Variants in MAST4 observed in about 807,000 individuals in gnomAD.
The protein encoded by MAST4 is microtubule-associated serine/threonine-protein kinase 4.
Under a neutral mutation model 162.7 loss-of-function variants are expected in MAST4, and 89 were observed. That is an observed-to-expected ratio of 0.55 (90% CI 0.46 to 0.65). The LOEUF is 0.65. Ranked by LOEUF, MAST4 falls within the 30% of genes least tolerant of loss-of-function variation. The pLI is 0.00. For synonymous variants in MAST4, 1,479 were observed against 1,361.1 expected, an observed-to-expected ratio of 1.09 and a Z score of -1.91; for missense variants, 3,153 against 3,374.0, an observed-to-expected ratio of 0.93 and a Z score of 1.62.
chr5:66,995,706 T>A (rs982007339), intron 4 of MAST4, among the ~76,000 whole-genome samples: 1 of 151,052 alleles, frequency 6.6e-6, no homozygotes, highest in Admixed American at 6.6e-5. Flanking sequence ...CAGACGAAAA[T>A]TTTTTAAATT....
chr5:66,825,261 GACACACACACAC>G (rs56076405), intron 3 of MAST4, among the ~76,000 whole-genome samples: 1,803 of 135,638 alleles, frequency 0.013, 30 homozygotes, highest in Admixed American at 0.029. Context: ...TAAAAACTAA[GACACACACACAC>G]ACACACACAC....
rs1416777739 is a variant in MAST4 at position 67,163,923 on chromosome 5, G to A, written c.4744G>A (p.Glu1582Lys). The A allele has an allele frequency of 6.2e-7, 1 of 1,613,984 alleles. No homozygotes were observed. Reference protein sequence around the residue: ...REKKVYPKAVERSSTFENKAS... With the variant: ...REKKVYPKAVKRSSTFENKAS... Reference sequence around the variant, plus strand: ...GAAGAAAGTCTATCCGAAGGCTGTGGAAAGGTCAAGTACTTTTGAAAACAA... The same window carrying A: ...GAAGAAAGTCTATCCGAAGGCTGTGAAAAGGTCAAGTACTTTTGAAAACAA... The change falls in exon 29 of 29, where the codon GAA becomes AAA. Residue 1582 changes from glutamate (E) to lysine (K), a missense_variant. Glu to Lys is a moderately conservative substitution (Grantham distance 56). Coordinates refer to ENST00000403625, the MANE Select transcript of MAST4 (RefSeq NM_001164664.2). The surrounding 1 kb of genome is among the most constrained non-coding windows in gnomAD (Gnocchi z 7.0).
chr5:66,852,815 T>A (rs1268771183), intron 3 of MAST4, among the ~76,000 whole-genome samples: 1 of 152,244 alleles, frequency 6.6e-6, no homozygotes, highest in African/African-American at 2.4e-5. Context: ...TAATGAAATG[T>A]AAACTATCTT....
chr5:67,058,277 T>A (rs949007575), intron 5 of MAST4, among the ~76,000 whole-genome samples: 26 of 152,238 alleles, frequency 1.7e-4, no homozygotes, highest in African/African-American at 5.8e-4. Flanking sequence ...TAAAATTCAG[T>A]GATAGCAAAG....
chr5:66,651,053 G>A (rs74951397), intron 1 of MAST4, among the ~76,000 whole-genome samples: 61 of 152,254 alleles, frequency 4.0e-4, no homozygotes, highest in African/African-American at 1.3e-3. Flanking sequence ...CATACTTGCC[G>A]TGTCACATAG....
At chr5:66,791,354 C>T (rs866457049) in intron 3 of MAST4, among the ~76,000 whole-genome samples, 53 of 152,306 alleles carry the variant, frequency 3.5e-4, no homozygotes, top group African/African-American at 1.3e-3. Context: ...CTTACTAGTA[C>T]TAACAGTCAC....
Position 67,098,424 on chromosome 5 carries a change from A to C in MAST4, c.913-2011A>C, listed in dbSNP as rs1422433180. 2.0e-5 allele frequency among the ~76,000 whole-genome samples: 3 copies of C among 152,288 alleles called. No individual in the cohort carries two copies. In the East Asian group the frequency reaches 5.8e-4, roughly 29 times the overall value. On this transcript the variant is annotated intron_variant, in intron 7 of 28. Transcript: ENST00000403625. ...TTCTTAATTTTGAAATAAGTACTAC[A>C]GAATTGTATCAGTAGGAAGACATTC...
chr5:67,087,682 T>C (rs565541077), intron 5 of MAST4, among the ~76,000 whole-genome samples: 4 of 152,328 alleles, frequency 2.6e-5, no homozygotes, highest in African/African-American at 9.6e-5. Context: ...TCACTCATTT[T>C]CTCTAATATC....
chr5:67,078,102 AAAAT>A lies in MAST4; in HGVS notation c.764-12045_764-12042del, dbSNP rs1340724457. The stretch of plus-strand genomic sequence containing the variant: ...CAACGAGGGCAAAACTCTTCTCTCA[AAAAT>A]AAATAAATAAATAACTAGAAAAAAA... On this transcript the variant is annotated intron_variant, in intron 5 of 28. Transcript: ENST00000403625. 9.2e-4 allele frequency among the ~76,000 whole-genome samples: 140 copies of A among 152,296 alleles called. 1 individual carries two copies. The highest frequency in any genetic ancestry group is 3.1e-3 in the African/African-American group (130 of 41,564).
At chr5:66,598,719 G>A (rs1254321021) in intron 1 of MAST4, among the ~76,000 whole-genome samples, 7 of 152,168 alleles carry the variant, frequency 4.6e-5, no homozygotes, top group African/African-American at 7.2e-5. Context: ...TAGTATTGCC[G>A]CTGGTGGAGA....
chr5:67,074,554 C>T (rs1761367264), intron 5 of MAST4, among the ~76,000 whole-genome samples: 1 of 152,070 alleles, frequency 6.6e-6, no homozygotes, highest in Non-Finnish European at 1.5e-5. Flanking sequence ...ACATTAAATA[C>T]TAAGAAGATT....
At chr5:66,870,567 A>G (rs923492672) in intron 3 of MAST4, among the ~76,000 whole-genome samples, 4 of 151,894 alleles carry the variant, frequency 2.6e-5, no homozygotes, top group Non-Finnish European at 4.4e-5. Context: ...TGCACATACA[A>G]GTTTGTTTAT....
At chr5:66,823,742 G>C (rs988829216) in intron 3 of MAST4, among the ~76,000 whole-genome samples, 1 of 152,146 alleles carries the variant, frequency 6.6e-6, no homozygotes, top group East Asian at 1.9e-4. Flanking sequence ...TGATCCACCT[G>C]CCTCAGCCTC....
At position 66,745,685 on chromosome 5, in the gene MAST4, G is replaced by A. The variant is rs146958840; in HGVS notation, c.364-14024G>A. ...TTGGACCACAGCTCTGCTCAAAGCTGTAGAATTGCTTGTACCTGACTCTGT... is the reference window on the plus strand; with the variant it reads ...TTGGACCACAGCTCTGCTCAAAGCTATAGAATTGCTTGTACCTGACTCTGT... On this transcript the variant is annotated intron_variant, in intron 1 of 28. Coordinates refer to ENST00000403625, the MANE Select transcript of MAST4 (RefSeq NM_001164664.2). 4.4e-3 allele frequency among the ~76,000 whole-genome samples: 667 copies of A among 152,270 alleles called. 4 individuals carry two copies. In the Middle Eastern group the frequency reaches 0.068, roughly 16 times the overall value.
rs182739182 is a variant in MAST4 at position 66,667,126 on chromosome 5, C to A, written c.363+70108C>A. ...TGGTCAAAGGGAAGTTTGACCATAC[C>A]TGTGTATGCCTGTCTTGCATAATTA... On this transcript the variant is annotated intron_variant, in intron 1 of 28. Coordinates refer to ENST00000403625, the MANE Select transcript of MAST4 (RefSeq NM_001164664.2). Among the ~76,000 whole-genome samples, 751 of 152,210 alleles carry A rather than the reference C, an allele frequency of 4.9e-3. 3 individuals are homozygous for A. The highest frequency in any genetic ancestry group is 9.7e-3 in the Admixed American group (149 of 15,302).
intron 3 of MAST4, among the ~76,000 whole-genome samples, chr5:66,798,894 C>G (rs1308969977): frequency 6.6e-6 from 1 of 151,988 alleles, no homozygotes; most frequent in Non-Finnish European, 1.5e-5. Context: ...GACATTTTTC[C>G]CCCTTTGGTT....
At chr5:66,978,938 G>A (rs1455626016) in intron 4 of MAST4, among the ~76,000 whole-genome samples, 4 of 152,122 alleles carry the variant, frequency 2.6e-5, no homozygotes, top group African/African-American at 9.7e-5. Context: ...GAATAGAGTA[G>A]AAGGAAAGTG....
At chr5:66,903,438 T>TTGTGTGTGTGTG (rs3042310) in intron 4 of MAST4, among the ~76,000 whole-genome samples, 11 of 148,718 alleles carry the variant, frequency 7.4e-5, no homozygotes, top group Middle Eastern at 3.4e-3. Flanking sequence ...ACACCTGTGT[T>TTGTGTGTGTGTG]TGTGTGTGTG....
At chr5:67,146,804 G>A (rs900341080) in intron 23 of MAST4, among the ~76,000 whole-genome samples, 3 of 152,310 alleles carry the variant, frequency 2.0e-5, no homozygotes, top group Non-Finnish European at 4.4e-5. Flanking sequence ...GAACAGCAAT[G>A]AGGAAGTAGT....
Sources: gnomAD v4.1 joint callset for allele counts (sites outside exome capture counted in the v4.1 genomes callset) on GRCh38, gnomAD v4.1.1 for gene constraint, Gnocchi (gnomAD v3.1) non-coding constraint, MANE v1.5 for transcripts, NCBI Gene and HGNC (gene_info 2026-07-23, HGNC 2026-07-21) for gene names.